Variants in EXOC4 observed in about 807,000 individuals in gnomAD.
EXOC4 encodes SEC8-like 1.
Under a neutral mutation model 107.2 loss-of-function variants are expected in EXOC4, and 71 were observed. The observed-to-expected ratio is 0.66, with a 90% CI of 0.55 to 0.81. The LOEUF is 0.81. Ranked by LOEUF, EXOC4 falls within the 30% of genes least tolerant of loss-of-function variation. The pLI is 0.00. For synonymous variants in EXOC4, 456 were observed against 441.2 expected (o/e 1.03, Z -0.42); for missense variants, 1,108 against 1,189.6 (o/e 0.93, Z 1.01).
intron 9 of EXOC4, among the ~76,000 whole-genome samples, chr7:133,558,706 A>G (rs1205163601): frequency 6.6e-6 from 1 of 152,138 alleles, no homozygotes; most frequent in African/African-American, 2.4e-5. Flanking sequence ...CTGAAAGGAT[A>G]TGACATAGAT....
chr7:133,904,498 A>G (rs1004672313), intron 12 of EXOC4, among the ~76,000 whole-genome samples: 1 of 152,176 alleles, frequency 6.6e-6, no homozygotes, highest in Non-Finnish European at 1.5e-5. Flanking sequence ...TATTCTGGTC[A>G]TCAGGAGCAT....
chr7:133,438,826 C>G (rs1211258376), intron 7 of EXOC4, among the ~76,000 whole-genome samples: 1 of 152,200 alleles, frequency 6.6e-6, no homozygotes, highest in Non-Finnish European at 1.5e-5. Context: ...TGTTCCTGAT[C>G]TTGCAGTGCT....
At chr7:133,477,442 C>T (rs1236012532) in intron 8 of EXOC4, among the ~76,000 whole-genome samples, 3 of 152,184 alleles carry the variant, frequency 2.0e-5, no homozygotes, top group African/African-American at 7.2e-5. Context: ...TTTCACTTAG[C>T]AATATGCATT....
rs547809641 is a variant in EXOC4 at position 133,441,249 on chromosome 7, G to A, written c.1183-34079G>A. Among the ~76,000 whole-genome samples, 45 of 152,260 alleles carry A rather than the reference G, an allele frequency of 3.0e-4. No homozygotes were observed. The South Asian group carries it at 8.9e-3, about 30-fold the overall frequency. ...AGAAGTAGTACCAGAAAGAGAGTTAGGAAGGTACACGGAATATGTGGAAGG... is the reference window on the plus strand; with the variant it reads ...AGAAGTAGTACCAGAAAGAGAGTTAAGAAGGTACACGGAATATGTGGAAGG... On this transcript the variant is annotated intron_variant, in intron 7 of 17. Transcript: ENST00000253861.
chr7:133,946,152 T>C (rs1055635199), intron 14 of EXOC4, among the ~76,000 whole-genome samples: 2 of 152,240 alleles, frequency 1.3e-5, no homozygotes, highest in South Asian at 2.1e-4. Flanking sequence ...TGGTTAGACT[T>C]TCCGTGCCCT....
Position 134,010,258 on chromosome 7 carries a change from T to C in EXOC4, c.2687+2423T>C, listed in dbSNP as rs1006882028. The C allele has an allele frequency of 3.3e-5, 5 of 152,312 alleles. No individual in the cohort carries two copies. In the South Asian group the frequency reaches 6.2e-4, roughly 19 times the overall value. The allele number at this position is 152,312 out of a possible 1,614,324, so 9.4% of individuals were successfully genotyped here. ...TGAAAAGATATCAAATCAAGGCTAATTTTGGTGTGGATGAAGACCTTGGAT... is the reference window on the plus strand; with the variant it reads ...TGAAAAGATATCAAATCAAGGCTAACTTTGGTGTGGATGAAGACCTTGGAT... On this transcript the variant is annotated intron_variant, in intron 17 of 17. Coordinates refer to ENST00000253861, the MANE Select transcript of EXOC4 (RefSeq NM_021807.4).
chr7:133,868,356 G>A (rs1400835651), intron 11 of EXOC4, among the ~76,000 whole-genome samples: 1 of 152,216 alleles, frequency 6.6e-6, no homozygotes, highest in East Asian at 1.9e-4. Context: ...GAGGGTAGAA[G>A]AGAGGTGGGA....
intron 5 of EXOC4, among the ~76,000 whole-genome samples, chr7:133,338,501 G>T (rs890917250): frequency 6.8e-6 from 1 of 146,040 alleles, no homozygotes; most frequent in Non-Finnish European, 1.5e-5. Context: ...GCTGAGGCAG[G>T]AGAATGGCGT....
At chr7:133,774,830 A>G (rs979578258) in intron 10 of EXOC4, among the ~76,000 whole-genome samples, 4 of 152,178 alleles carry the variant, frequency 2.6e-5, no homozygotes, top group African/African-American at 9.6e-5. Context: ...GATAATTCAC[A>G]TTGTCAATTC....
chr7:133,576,881 T>G (rs1456601442), intron 9 of EXOC4: 1 of 1,288,788 alleles, frequency 7.8e-7, no homozygotes, highest in South Asian at 1.2e-5. Flanking sequence ...GGGTAATGTG[T>G]TTTAAGATTA....
chr7:133,714,520 T>G (rs938509441), intron 10 of EXOC4, among the ~76,000 whole-genome samples: 1 of 152,224 alleles, frequency 6.6e-6, no homozygotes, highest in Non-Finnish European at 1.5e-5. Context: ...TTATAATGAT[T>G]GTCATAATAT....
chr7:133,619,444 G>A (rs1802274122), intron 9 of EXOC4, among the ~76,000 whole-genome samples: 1 of 152,100 alleles, frequency 6.6e-6, no homozygotes, highest in Admixed American at 6.5e-5. Flanking sequence ...AAGCTCTTTT[G>A]TGGACCCTTT....
At chr7:133,640,254 T>A (rs1218151839) in intron 10 of EXOC4, among the ~76,000 whole-genome samples, 1 of 152,186 alleles carries the variant, frequency 6.6e-6, no homozygotes, top group Non-Finnish European at 1.5e-5. Flanking sequence ...ACAGATAGAT[T>A]GGTTTTGCCT....
intron 10 of EXOC4, among the ~76,000 whole-genome samples, chr7:133,787,223 G>A (rs1018141345): frequency 2.9e-4 from 39 of 133,738 alleles, no homozygotes; most frequent in South Asian, 4.5e-4. Flanking sequence ...ATGGAGTGCA[G>A]TGGCAGGATC....
intron 12 of EXOC4, among the ~76,000 whole-genome samples, chr7:133,915,308 A>AG (rs1331046851): frequency 1.3e-5 from 2 of 152,214 alleles, no homozygotes; most frequent in Non-Finnish European, 2.9e-5. Flanking sequence ...TAGTGGAAAG[A>AG]GTAAAAATAC....
intron 17 of EXOC4, among the ~76,000 whole-genome samples, chr7:134,017,613 G>C (rs1324139578): frequency 1.3e-5 from 2 of 151,706 alleles, no homozygotes; most frequent in East Asian, 1.9e-4. Context: ...ATTTACATTA[G>C]GTCCCGTGCA....
At chr7:133,399,386 A>G (rs1797040263) in intron 7 of EXOC4, among the ~76,000 whole-genome samples, 1 of 152,180 alleles carries the variant, frequency 6.6e-6, no homozygotes, top group Non-Finnish European at 1.5e-5. Context: ...CCTACCCACT[A>G]AACACTTGTG....
At chr7:133,624,311 A>T (rs1198055001) in intron 9 of EXOC4, among the ~76,000 whole-genome samples, 1 of 152,182 alleles carries the variant, frequency 6.6e-6, no homozygotes, top group Non-Finnish European at 1.5e-5. Context: ...ATTGAAAAAT[A>T]AAGAGTAGGG....
chr7:133,462,953 G>A lies in EXOC4; in HGVS notation c.1183-12375G>A, dbSNP rs551725583. Among the ~76,000 whole-genome samples the A allele has an allele frequency of 2.0e-5, 3 of 152,236 alleles. No homozygotes were observed. In the East Asian group the frequency reaches 5.8e-4, roughly 29 times the overall value. On this transcript the variant is annotated intron_variant, in intron 7 of 17. Transcript: ENST00000253861. ...AGATAGAGGTTTATTTATTTTGAAG[G>A]CATGGAGGAAGCCATTGAAGGACTT...
Sources: gnomAD v4.1 joint callset for allele counts (sites outside exome capture counted in the v4.1 genomes callset) on GRCh38, gnomAD v4.1.1 for gene constraint, MANE v1.5 for transcripts, NCBI Gene and HGNC (gene_info 2026-07-23, HGNC 2026-07-21) for gene names.